Variants in PUDP observed in about 807,000 individuals in gnomAD.
PUDP encodes pseudouridine 5'-phosphatase, also known as pseudouridine-5'-phosphatase.
A neutral mutation model predicts 9.4 loss-of-function variants in PUDP; 8 were observed. That is an observed-to-expected ratio of 0.85 (90% CI 0.50 to 1.53). The LOEUF is 1.53. Among genes scored for constraint, PUDP ranks in the 40% most tolerant of loss-of-function variants. The probability of loss-of-function intolerance (pLI) is 0.00; values close to 1 mark genes in which losing one functional copy is unlikely to be tolerated. For missense variants in PUDP, 188 were observed against 189.7 expected (o/e 0.99, Z 0.05); for synonymous variants, 99 against 80.7 (o/e 1.23, Z -1.22).
intron 3 of PUDP, chrX:7,057,858 G>C (rs1930289346): frequency 9.9e-7 from 1 of 1,014,536 alleles, no homozygotes; most frequent in Non-Finnish European, 1.3e-6. Flanking sequence ...GAACACAGTA[G>C]GAGGCAGTGT....
intron 3 of PUDP, among the ~76,000 whole-genome samples, chrX:6,927,094 A>AT (rs770923294): frequency 4.0e-4 from 42 of 103,772 alleles, no homozygotes; most frequent in East Asian, 9.1e-4. Context: ...CACCTGGCTA[A>AT]TTTTTTTTTT....
intron 3 of PUDP, among the ~76,000 whole-genome samples, chrX:6,766,471 T>G (rs1925286654): frequency 1.8e-5 from 2 of 111,720 alleles, no homozygotes. Context: ...TAAAGGGAAG[T>G]GATGTTTTTA....
At chrX:6,912,396 A>G (rs1927862187) in intron 3 of PUDP, among the ~76,000 whole-genome samples, 1 of 112,197 alleles carries the variant, frequency 8.9e-6, no homozygotes. Flanking sequence ...CTCTCTCAAT[A>G]ATGTTAACTA....
intron 3 of PUDP, among the ~76,000 whole-genome samples, chrX:6,763,549 C>T (rs1373780350): frequency 9.0e-6 from 1 of 111,685 alleles, no homozygotes; most frequent in East Asian, 2.8e-4. Flanking sequence ...CCCTCAAAGC[C>T]TAAAATATTC....
chrX:6,921,335 G>A (rs1405964450), intron 3 of PUDP, among the ~76,000 whole-genome samples: 3 of 110,048 alleles, frequency 2.7e-5, no homozygotes, highest in African/African-American at 9.9e-5. Context: ...AGGGAGCCAC[G>A]ATCATGCCAC....
At chrX:6,846,369 C>G (rs1411296303) in intron 3 of PUDP, among the ~76,000 whole-genome samples, 1 of 103,528 alleles carries the variant, frequency 9.7e-6, no homozygotes, top group African/African-American at 3.6e-5. Context: ...GAGATCGTGC[C>G]ACGGCACTCC....
At chrX:6,848,040 C>T (rs776796555) in intron 3 of PUDP, among the ~76,000 whole-genome samples, 29 of 112,066 alleles carry the variant, frequency 2.6e-4, no homozygotes, top group Admixed American at 2.0e-3. Flanking sequence ...GTCTGAATCC[C>T]GTGCATGTGC....
intron 1 of PUDP, among the ~76,000 whole-genome samples, chrX:7,106,358 C>A (rs1054498145): frequency 7.1e-5 from 8 of 112,030 alleles, no homozygotes; most frequent in African/African-American, 2.3e-4. Context: ...CAGGCTGTCA[C>A]GGGATGGTGA....
chrX:7,135,872 G>A (rs774239857), intron 1 of PUDP, among the ~76,000 whole-genome samples: 27 of 111,065 alleles, frequency 2.4e-4, no homozygotes, highest in South Asian at 7.7e-4. Flanking sequence ...CTCTCTGCAC[G>A]TTTCTCCTCA....
chrX:6,864,026 G>A (rs1215196779), intron 3 of PUDP, among the ~76,000 whole-genome samples: 6 of 111,192 alleles, frequency 5.4e-5, no homozygotes, highest in Non-Finnish European at 1.1e-4. Context: ...GACTCACAAT[G>A]TTCTAAGAGC....
chrX:7,001,655 G>A (rs533215480), intron 1 of PUDP, among the ~76,000 whole-genome samples: 199 of 111,537 alleles, frequency 1.8e-3, no homozygotes, highest in Non-Finnish European at 2.9e-3. Flanking sequence ...CGAGATCAGA[G>A]AAACAGACTT....
intron 1 of PUDP, among the ~76,000 whole-genome samples, chrX:7,124,247 A>G (rs2146918805): frequency 8.9e-6 from 1 of 112,314 alleles, no homozygotes; most frequent in East Asian, 2.8e-4. Flanking sequence ...GGAAATTCAC[A>G]AATAATGTGG....
intron 3 of PUDP, among the ~76,000 whole-genome samples, chrX:6,766,253 T>C (rs1374535749): frequency 8.9e-6 from 1 of 112,005 alleles, no homozygotes; most frequent in Non-Finnish European, 1.9e-5. Context: ...AAGTTCTTTA[T>C]ATAGAGGAAA....
chrX:6,830,618 A>G (rs1379564820), intron 3 of PUDP, among the ~76,000 whole-genome samples: 1 of 112,095 alleles, frequency 8.9e-6, no homozygotes, highest in Non-Finnish European at 1.9e-5. Context: ...GTCTCAATTC[A>G]TCAAGAGGAG....
intron 3 of PUDP, among the ~76,000 whole-genome samples, chrX:6,742,022 A>G (rs1285956714): frequency 9.1e-6 from 1 of 110,225 alleles, no homozygotes; most frequent in Non-Finnish European, 1.9e-5. Context: ...CGCCTGGCTA[A>G]TTTGCTACTT....
intron 3 of PUDP, among the ~76,000 whole-genome samples, chrX:6,840,649 C>T (rs1478365527): frequency 1.8e-5 from 2 of 111,370 alleles, no homozygotes; most frequent in Non-Finnish European, 3.8e-5. Context: ...AGGGAAATTA[C>T]TCTGTATGAT....
intron 3 of PUDP, among the ~76,000 whole-genome samples, chrX:6,767,773 T>C (rs183909429): frequency 8.9e-6 from 1 of 112,272 alleles, no homozygotes; most frequent in Non-Finnish European, 1.9e-5. Flanking sequence ...AACTTTGCAT[T>C]GAACCCCTCT....
chrX:7,037,261 A>G (rs4126101), intron 1 of PUDP, among the ~76,000 whole-genome samples: 41,495 of 110,567 alleles, frequency 0.38, 6,245 homozygotes, highest in African/African-American at 0.54. Context: ...GACATCTTCC[A>G]GGCTCACAAG....
chrX:6,979,888 T>A (rs991979492), intron 1 of PUDP, among the ~76,000 whole-genome samples: 15 of 110,862 alleles, frequency 1.4e-4, no homozygotes, highest in African/African-American at 4.9e-4. Context: ...CAGTATGAAA[T>A]TTTTTTTCTA....
Sources: allele counts gnomAD v4.1 joint callset (sites outside exome capture counted in the v4.1 genomes callset), GRCh38; gene constraint gnomAD v4.1.1; transcripts MANE v1.5; gene names NCBI Gene and HGNC (gene_info 2026-07-23, HGNC 2026-07-21).